ALS2: variants seen among roughly 807,000 people sequenced by gnomAD.
ALS2 encodes alsin.
Under a neutral mutation model 203.4 loss-of-function variants are expected in ALS2, and 117 were observed. The ratio of observed to expected loss-of-function variants is 0.58; its 90% confidence interval spans 0.50 to 0.67. ALS2 has a LOEUF of 0.67. Ranked by LOEUF, ALS2 falls within the 30% of genes least tolerant of loss-of-function variation. The probability of loss-of-function intolerance (pLI) is 0.00; values close to 1 mark genes in which losing one functional copy is unlikely to be tolerated. For synonymous variants in ALS2, 718 were observed against 725.9 expected (o/e 0.99, Z 0.17); for missense variants, 1,715 against 1,989.4 (o/e 0.86, Z 2.62).
intron 1 of ALS2, among the ~76,000 whole-genome samples, chr2:201,773,340 C>T (rs1694496593): frequency 6.6e-6 from 1 of 151,986 alleles, no homozygotes; most frequent in South Asian, 2.1e-4. Context: ...TACAATGCTG[C>T]CAATTTGGTG....
At chr2:201,717,706 G>T (rs1003099050) in intron 24 of ALS2, among the ~76,000 whole-genome samples, 10 of 151,264 alleles carry the variant, frequency 6.6e-5, no homozygotes, top group African/African-American at 2.4e-4. Flanking sequence ...CACTTTGGGA[G>T]GCTGAGGCAG....
chr2:201,745,019 C>T (rs1027783925), intron 9 of ALS2, among the ~76,000 whole-genome samples: 1 of 152,104 alleles, frequency 6.6e-6, no homozygotes, highest in African/African-American at 2.4e-5. Context: ...TTCACATATC[C>T]CATTAAATCA....
At position 201,705,532 on chromosome 2, in the gene ALS2, G is replaced by A. The variant is rs58206672; in HGVS notation, c.4581-71C>T. The A allele has an allele frequency of 2.7e-3, 3,355 of 1,225,120 alleles. 68 individuals are homozygous for A. In the African/African-American group the frequency reaches 0.043, roughly 16 times the overall value. 75.9% of individuals were successfully genotyped at this position (1,225,120 alleles called of 1,614,324 possible). On this transcript the variant is annotated intron_variant, in intron 29 of 33. Coordinates refer to ENST00000264276, the MANE Select transcript of ALS2 (RefSeq NM_020919.4). Reference sequence around the variant, plus strand: ...TAAACAAAATCCCATAAAAATAGTTGACAGCTATATTGGCTTCCTTGTCCC... The same window carrying A: ...TAAACAAAATCCCATAAAAATAGTTAACAGCTATATTGGCTTCCTTGTCCC...
chr2:201,702,030 T>C (rs914380212), intron 33 of ALS2, 141 bp from the exon 34 acceptor site: 1 of 762,478 alleles, frequency 1.3e-6, no homozygotes, highest in African/African-American at 1.8e-5. Flanking sequence ...GATTTCACTT[T>C]TCCCTGTTCC....
intron 33 of ALS2, among the ~76,000 whole-genome samples, chr2:201,702,794 C>A (rs1689468537): frequency 6.6e-6 from 1 of 152,176 alleles, no homozygotes; most frequent in Non-Finnish European, 1.5e-5. Flanking sequence ...TCCCCAGTTT[C>A]TCCCCCTTTT....
intron 22 of ALS2, 93 bp downstream of exon 22, chr2:201,723,237 G>C (rs1690924026): frequency 7.2e-7 from 1 of 1,393,682 alleles, no homozygotes; most frequent in East Asian, 2.3e-5. Context: ...ATAGTACTAA[G>C]AAGGTGGAAA....
At chr2:201,703,368 T>TTGGTG (rs2105961875) in intron 33 of ALS2, among the ~76,000 whole-genome samples, 1 of 152,352 alleles carries the variant, frequency 6.6e-6, no homozygotes, top group Non-Finnish European at 1.5e-5. Context: ...CCATTTTGGT[T>TTGGTG]TGGTGTTTCC....
At chr2:201,718,659 T>C (rs1363902541) in intron 23 of ALS2, among the ~76,000 whole-genome samples, 2 of 151,944 alleles carry the variant, frequency 1.3e-5, no homozygotes, top group Non-Finnish European at 1.5e-5. Context: ...TCAAACAAAA[T>C]ATGGGCACAT....
chr2:201,765,065 C>A (rs1694007581), intron 3 of ALS2, among the ~76,000 whole-genome samples: 1 of 151,894 alleles, frequency 6.6e-6, no homozygotes, highest in South Asian at 2.1e-4. Context: ...ATAATCACAG[C>A]TCACTGCACG....
intron 23 of ALS2, among the ~76,000 whole-genome samples, chr2:201,718,899 C>T (rs1397289328): frequency 1.3e-5 from 2 of 151,632 alleles, no homozygotes; most frequent in East Asian, 3.9e-4. Context: ...AATAAAATTA[C>T]AAAAGGAGGA....
chr2:201,746,717 G>A lies in ALS2; in HGVS notation c.1847C>T (p.Ala616Val), dbSNP rs1294947352. 3.7e-6 allele frequency: 6 copies of A among 1,614,144 alleles called. No individual in the cohort carries two copies. The highest frequency in any genetic ancestry group is 4.2e-6 in the Non-Finnish European group (5 of 1,180,040). ...ISSENGVWSI[A>V]AGRDYSLFLV... The stretch of plus-strand genomic sequence containing the variant: ...AAACAGGGAATAATCCCTGCCTGCA[G>A]CTATGCTCCAGACTCCATTTTCACT... The change falls in exon 9 of 34, where the codon GCT becomes GTT. Residue 616 changes from alanine to valine, a missense_variant. By Grantham distance (64) the Ala-to-Val change is moderately conservative. Transcript: ENST00000264276.
rs556027390 is a variant in ALS2 at position 201,724,345 on chromosome 2, C to T, written c.3462G>A (p.Gln1154=). ...TSSSPSMFIG[Q]WVMDKKAGYG... is the part of the protein sequence containing the mutation. ...ATCCTGCTTTCTTATCCATTACCCA[C>T]TGGCCAATGAACATACTAGGAGAAG... Residue 1154 remains glutamine (Q), a synonymous_variant, in exon 21 of 34, where the codon CAG becomes CAA. Coordinates refer to ENST00000264276, the MANE Select transcript of ALS2 (RefSeq NM_020919.4). 142 of 1,614,004 alleles carry T rather than the reference C, an allele frequency of 8.8e-5. No homozygotes were observed. In the East Asian group the frequency reaches 3.0e-3, roughly 34 times the overall value.
At chr2:201,729,244 C>T in intron 13 of ALS2, 61 bp from the exon 14 acceptor site, 1 of 1,563,038 alleles carries the variant, frequency 6.4e-7, no homozygotes, top group Admixed American at 1.8e-5. Context: ...TATGCAGAAT[C>T]TGTAGCCTCA....
rs543142308 is a variant in ALS2, at chr2:201,741,927, T to C, written c.2171-73A>G. The C allele has an allele frequency of 3.7e-5, 48 of 1,312,802 alleles. No individual in the cohort carries two copies. The African/African-American group carries it at 5.6e-4, about 15-fold the overall frequency. The allele number at this position is 1,312,802 out of a possible 1,614,324, so 81.3% of individuals were successfully genotyped here. A position where few individuals can be genotyped will look rare whatever the true frequency, so the allele number is the denominator to read the frequency against. ...CACTTTATTATGATGTGATTATGAT[T>C]ATGAATTCCTCTAAGACTACTTAAC... On this transcript the variant is annotated intron_variant, in intron 10 of 33. Coordinates refer to ENST00000264276, the MANE Select transcript of ALS2 (RefSeq NM_020919.4).
At chr2:201,714,325 T>C (rs1690231306) in intron 25 of ALS2, among the ~76,000 whole-genome samples, 1 of 152,212 alleles carries the variant, frequency 6.6e-6, no homozygotes, top group Admixed American at 6.5e-5. Context: ...GGTGCCTATG[T>C]GACCCGCCCC....
At chr2:201,705,327 T>C in intron 30 of ALS2, 89 bp downstream of exon 30, 2 of 1,493,446 alleles carry the variant, frequency 1.3e-6, no homozygotes, top group Non-Finnish European at 1.9e-6. Flanking sequence ...GGTACTGTTC[T>C]ATCAAAGTAA....
intron 21 of ALS2, among the ~76,000 whole-genome samples, chr2:201,723,835 G>A (rs1002028811): frequency 2.0e-5 from 3 of 152,194 alleles, no homozygotes. Flanking sequence ...AAAAGAAAGA[G>A]GCTGGATTCG....
chr2:201,709,538 T>G (rs1689911641), intron 27 of ALS2, among the ~76,000 whole-genome samples: 1 of 152,226 alleles, frequency 6.6e-6, no homozygotes, highest in Admixed American at 6.5e-5. Context: ...AACTTCATAT[T>G]AAACTTTGTC....
intron 23 of ALS2, among the ~76,000 whole-genome samples, chr2:201,720,539 CAAAAAA>C (rs34418114): frequency 3.0e-5 from 2 of 66,496 alleles, no homozygotes; most frequent in South Asian, 6.0e-4. Flanking sequence ...TCTGTCTCTA[CAAAAAA>C]AAAAAAAAAA....
Sources: allele counts gnomAD v4.1 joint callset (sites outside exome capture counted in the v4.1 genomes callset), GRCh38; gene constraint gnomAD v4.1.1; transcripts MANE v1.5; gene names NCBI Gene and HGNC (gene_info 2026-07-23, HGNC 2026-07-21).